SLAIN2: variants seen among roughly 807,000 people sequenced by gnomAD.
SLAIN2 encodes SLAIN family member 2, also known as SLAIN motif-containing protein 2.
SLAIN2 carries 31 observed loss-of-function variants against 56.6 expected under a neutral mutation model. That is an observed-to-expected ratio of 0.55 (90% confidence interval 0.41 to 0.74). The LOEUF (loss-of-function observed/expected upper bound fraction) is 0.74, where lower values mean the gene tolerates loss of function less well. Among genes scored for constraint, SLAIN2 ranks in the 30% least tolerant of loss-of-function variants. SLAIN2 has a pLI of 0.00. For synonymous variants in SLAIN2, 317 were observed against 284.9 expected, an observed-to-expected ratio of 1.11 and a Z score of -1.13; for missense variants, 777 against 754.2, an observed-to-expected ratio of 1.03 and a Z score of -0.35.
chr4:48,404,282 A>G (rs1716635470), intron 6 of SLAIN2, among the ~76,000 whole-genome samples: 1 of 152,180 alleles, frequency 6.6e-6, no homozygotes, highest in South Asian at 2.1e-4. Flanking sequence ...GCCTTTTGAT[A>G]TTAGACTACT....
chr4:48,372,159 A>G (rs145300471), intron 2 of SLAIN2, among the ~76,000 whole-genome samples: 1 of 152,198 alleles, frequency 6.6e-6, no homozygotes, highest in African/African-American at 2.4e-5. Flanking sequence ...TTCATCATTG[A>G]ACAGCATGTA....
At chr4:48,413,757 T>A (rs1716927094) in intron 6 of SLAIN2, among the ~76,000 whole-genome samples, 1 of 152,182 alleles carries the variant, frequency 6.6e-6, no homozygotes, top group Admixed American at 6.5e-5. Flanking sequence ...GCATTTATAG[T>A]TTTTATAAAT....
chr4:48,379,192 C>T (rs1193217317), intron 3 of SLAIN2, among the ~76,000 whole-genome samples: 1 of 151,980 alleles, frequency 6.6e-6, no homozygotes, highest in Non-Finnish European at 1.5e-5. Flanking sequence ...AGAAACAAGC[C>T]TCATGGTCTT....
intron 6 of SLAIN2, among the ~76,000 whole-genome samples, chr4:48,384,076 TTTTGCTTATAGATACTAGAATTAG>T (rs139499128): frequency 0.03 from 4,526 of 152,284 alleles, 73 homozygotes; most frequent in Admixed American, 0.046. Flanking sequence ...TAGGTGTAGC[TTTTGCTTATAGATACTAGAATTAG>T]AAATAAAAAC....
At chr4:48,414,137 C>G (rs1242206481) in intron 6 of SLAIN2, among the ~76,000 whole-genome samples, 1 of 152,136 alleles carries the variant, frequency 6.6e-6, no homozygotes, top group African/African-American at 2.4e-5. Context: ...CTAATTTTTG[C>G]TCAGAGCAGA....
rs145089211 is a variant in SLAIN2, at chr4:48,356,504, G to A, written c.390-13345G>A. On this transcript the variant is annotated intron_variant, in intron 1 of 7. Transcript: ENST00000264313. Reference sequence around the variant, plus strand: ...TGTACTAGTAGCTGAAAAGATACGTGCTAGTATACATAAAGACTGTATTGC... The same window carrying A: ...TGTACTAGTAGCTGAAAAGATACGTACTAGTATACATAAAGACTGTATTGC... 2.3e-3 allele frequency among the ~76,000 whole-genome samples: 356 copies of A among 152,208 alleles called. 3 individuals carry two copies. The highest frequency in any genetic ancestry group is 8.2e-3 in the African/African-American group (342 of 41,530).
intron 6 of SLAIN2, among the ~76,000 whole-genome samples, chr4:48,393,779 G>A (rs1390963801): frequency 6.6e-6 from 1 of 152,094 alleles, no homozygotes; most frequent in Non-Finnish European, 1.5e-5. Context: ...CATAGTAACT[G>A]TATATTGGGG....
intron 1 of SLAIN2, among the ~76,000 whole-genome samples, chr4:48,362,491 T>G (rs1311996043): frequency 4.2e-5 from 6 of 143,462 alleles, no homozygotes; most frequent in Non-Finnish European, 9.4e-5. Flanking sequence ...CAGTCTTGGG[T>G]CACTACAACC....
intron 6 of SLAIN2, among the ~76,000 whole-genome samples, chr4:48,409,263 C>T (rs1425844684): frequency 6.6e-6 from 1 of 152,124 alleles, no homozygotes; most frequent in African/African-American, 2.4e-5. Flanking sequence ...CCTGGTTGTG[C>T]TATCACATAG....
At chr4:48,414,012 T>C (rs966639467) in intron 6 of SLAIN2, among the ~76,000 whole-genome samples, 2 of 152,138 alleles carry the variant, frequency 1.3e-5, no homozygotes, top group East Asian at 1.9e-4. Context: ...TAAATACTTA[T>C]TAAAAGAAAA....
At chr4:48,389,046 T>C (rs568190664) in intron 6 of SLAIN2, among the ~76,000 whole-genome samples, 1 of 152,288 alleles carries the variant, frequency 6.6e-6, no homozygotes, top group Admixed American at 6.5e-5. Context: ...TTTCACTTAC[T>C]ACCAAAACAC....
At chr4:48,406,754 A>G (rs558367875) in intron 6 of SLAIN2, among the ~76,000 whole-genome samples, 33 of 151,920 alleles carry the variant, frequency 2.2e-4, no homozygotes, top group African/African-American at 6.8e-4. Context: ...CATTCTTTCA[A>G]TTTTTGCATG....
chr4:48,359,038 A>G (rs1715246223), intron 1 of SLAIN2, among the ~76,000 whole-genome samples: 1 of 152,180 alleles, frequency 6.6e-6, no homozygotes, highest in Admixed American at 6.5e-5. Flanking sequence ...AATAAGATAA[A>G]CTTTTATTAA....
chr4:48,361,124 A>G (rs1338321195), intron 1 of SLAIN2, among the ~76,000 whole-genome samples: 1 of 152,242 alleles, frequency 6.6e-6, no homozygotes, highest in African/African-American at 2.4e-5. Flanking sequence ...AATGTTGTAC[A>G]TAGTGGAGAC....
At chr4:48,342,352 G>C (rs1029574538) in intron 1 of SLAIN2, among the ~76,000 whole-genome samples, 1 of 152,224 alleles carries the variant, frequency 6.6e-6, no homozygotes, top group African/African-American at 2.4e-5. Context: ...TTGGATTGTG[G>C]ACCTTCTGAG....
At chr4:48,420,495 G>A in intron 7 of SLAIN2, 52 bp downstream of exon 7, 2 of 1,584,980 alleles carry the variant, frequency 1.3e-6, no homozygotes, top group Non-Finnish European at 1.7e-6. Flanking sequence ...AAAGTGGATA[G>A]ACTGGAATGA....
At chr4:48,387,266 T>C (rs971748090) in intron 6 of SLAIN2, 8 of 152,198 alleles carry the variant, frequency 5.3e-5, no homozygotes, top group African/African-American at 1.9e-4. Flanking sequence ...GCATTGTCTG[T>C]GTCTTAAACT....
At position 48,341,836 on chromosome 4, in the gene SLAIN2, A is replaced by G; in HGVS notation, c.97A>G (p.Ser33Gly). 6.5e-7 allele frequency: 1 copy of G among 1,529,132 alleles called. No homozygotes were observed. The highest frequency in any genetic ancestry group is 8.8e-7 in the Non-Finnish European group (1 of 1,138,358). 94.7% of individuals were successfully genotyped at this position (1,529,132 alleles called of 1,614,324 possible). Residue 33 changes from serine to glycine, a missense_variant, in exon 1 of 8, where the codon AGC (serine) becomes GGC (glycine). Transcript: ENST00000264313. ...KLEKQNEQLR[S>G]RSGAVQGAGS... ...GGAGAAGCAGAACGAACAGCTGAGGAGCCGCTCGGGGGCCGTGCAGGGCGC... is the reference window on the plus strand; with the variant it reads ...GGAGAAGCAGAACGAACAGCTGAGGGGCCGCTCGGGGGCCGTGCAGGGCGC...
chr4:48,396,901 A>C (rs527983399), intron 6 of SLAIN2, among the ~76,000 whole-genome samples: 2 of 152,354 alleles, frequency 1.3e-5, no homozygotes, highest in Admixed American at 1.3e-4. Flanking sequence ...CAGTCACTCC[A>C]TAAATATTTG....
Sources: gnomAD v4.1 joint callset for allele counts (sites outside exome capture counted in the v4.1 genomes callset) on GRCh38, gnomAD v4.1.1 for gene constraint, MANE v1.5 for transcripts, NCBI Gene and HGNC (gene_info 2026-07-23, HGNC 2026-07-21) for gene names.